The following SCHIP1 variants were observed in gnomAD, a reference collection of about 807,000 sequenced individuals.
SCHIP1 encodes schwannomin interacting protein 1.
In SCHIP1, 8 loss-of-function variants were observed where a neutral mutation model predicts 29.7. That is an observed-to-expected ratio of 0.27 (90% CI 0.16 to 0.49). The LOEUF (loss-of-function observed/expected upper bound fraction) is 0.49, where lower values mean the gene tolerates loss of function less well. SCHIP1 is among the 20% of genes least tolerant of loss of function. The pLI is 0.99. For synonymous variants in SCHIP1, 76 were observed against 94.9 expected (o/e 0.80, Z 1.16); for missense variants, 193 against 294.6 (o/e 0.66, Z 2.52).
At chr3:159,855,940 G>A (rs13320912) in intron 1 of SCHIP1, among the ~76,000 whole-genome samples, 6,909 of 152,250 alleles carry the variant, frequency 0.045, 475 homozygotes, top group African/African-American at 0.15. Flanking sequence ...CGTGGGGAAG[G>A]TTTTGACTGT....
chr3:159,825,572 C>T, the SCHIP1 span, among the ~76,000 whole-genome samples: 39 of 152,152 alleles, frequency 2.6e-4, no homozygotes, highest in African/African-American at 9.2e-4. Flanking sequence ...ACACTCCTGC[C>T]CTCGATCCCA....
At chr3:159,754,540 T>TA in the SCHIP1 span, among the ~76,000 whole-genome samples, 4 of 152,252 alleles carry the variant, frequency 2.6e-5, no homozygotes, top group African/African-American at 7.2e-5. Context: ...CAAATCTACT[T>TA]AGCTTCATCT....
At chr3:159,462,877 G>T in the SCHIP1 span, among the ~76,000 whole-genome samples, 3 of 152,064 alleles carry the variant, frequency 2.0e-5, no homozygotes, top group African/African-American at 7.2e-5. Context: ...TTACAGTCAA[G>T]TCTATGATAG....
the SCHIP1 span, among the ~76,000 whole-genome samples, chr3:159,590,904 C>A: frequency 6.6e-6 from 1 of 152,086 alleles, no homozygotes; most frequent in Non-Finnish European, 1.5e-5. Flanking sequence ...TTGTCCAGGA[C>A]TTGATTTTAT....
chr3:159,802,290 G>C, the SCHIP1 span, among the ~76,000 whole-genome samples: 3 of 152,194 alleles, frequency 2.0e-5, no homozygotes, highest in Non-Finnish European at 4.4e-5. Flanking sequence ...AAATGGCAAA[G>C]CCAAAAAAAT....
the SCHIP1 span, among the ~76,000 whole-genome samples, chr3:159,557,744 C>A: frequency 6.6e-6 from 1 of 152,188 alleles, no homozygotes; most frequent in Non-Finnish European, 1.5e-5. Context: ...CTTAATATAT[C>A]CCCTTTGTTC....
the SCHIP1 span, among the ~76,000 whole-genome samples, chr3:159,614,584 T>C: frequency 6.6e-6 from 1 of 152,200 alleles, no homozygotes; most frequent in East Asian, 1.9e-4. Flanking sequence ...ATAACACCAA[T>C]ATACTCAGTT....
rs1333936648 is a variant in SCHIP1 at position 159,842,997 on chromosome 3, CTTTCTTTTTTTTTTTT to C, written c.30+2787_30+2802del. ...GCTCTCCAGTTCTATCCCAATATTT[CTTTCTTTTTTTTTTTT>C]TTTTTTTTTTTTTTTTGAGATGGAG... On this transcript the variant is annotated intron_variant, in intron 1 of 6. Coordinates refer to ENST00000445224, the Ensembl canonical transcript of SCHIP1. Among the ~76,000 whole-genome samples, 12 of 61,742 alleles carry C rather than the reference CTTTCTTTTTTTTTTTT, an allele frequency of 1.9e-4. 1 individual carries two copies. The highest frequency in any genetic ancestry group is 2.8e-4 in the Non-Finnish European group (8 of 28,380). The allele number at this position is 61,742 out of a possible 152,430, so 40.5% of individuals were successfully genotyped here. A position where few individuals can be genotyped will look rare whatever the true frequency, so the allele number is the denominator to read the frequency against.
chr3:159,842,769 G>A (rs1744353035), intron 1 of SCHIP1, among the ~76,000 whole-genome samples: 1 of 146,164 alleles, frequency 6.8e-6, no homozygotes, highest in African/African-American at 2.5e-5. Flanking sequence ...ATAACTTACA[G>A]CATTTGGGAC....
the SCHIP1 span, among the ~76,000 whole-genome samples, chr3:159,310,743 G>A: frequency 5.3e-5 from 8 of 152,136 alleles, no homozygotes; most frequent in African/African-American, 1.9e-4. Flanking sequence ...TAGGTTTGCA[G>A]GTACAGGCTA....
exon 1 of SCHIP1, chr3:159,839,890 G>A: frequency 7.2e-7 from 1 of 1,389,682 alleles, no homozygotes; most frequent in Non-Finnish European, 9.3e-7. Context: ...ATAATTGGCT[G>A]ATTGTGCGGG....
At chr3:159,772,511 T>G in the SCHIP1 span, among the ~76,000 whole-genome samples, 1 of 152,198 alleles carries the variant, frequency 6.6e-6, no homozygotes, top group Non-Finnish European at 1.5e-5. Flanking sequence ...TCCAACTATC[T>G]TAAGTCCTCC....
chr3:159,276,708 A>T, the SCHIP1 span, among the ~76,000 whole-genome samples: 4 of 152,192 alleles, frequency 2.6e-5, no homozygotes, highest in Non-Finnish European at 5.9e-5. Flanking sequence ...GGGACTTTTC[A>T]TGCAAGATAT....
At chr3:159,369,228 C>T in the SCHIP1 span, among the ~76,000 whole-genome samples, 13 of 152,176 alleles carry the variant, frequency 8.5e-5, no homozygotes, top group East Asian at 2.5e-3. Flanking sequence ...ATCTATTCCT[C>T]TGTTGAAATT....
chr3:159,525,977 A>G, the SCHIP1 span, among the ~76,000 whole-genome samples: 1 of 152,250 alleles, frequency 6.6e-6, no homozygotes, highest in Non-Finnish European at 1.5e-5. Flanking sequence ...GTAACACCAT[A>G]TTTTAATGTA....
At chr3:159,349,297 G>A in the SCHIP1 span, among the ~76,000 whole-genome samples, 1 of 152,158 alleles carries the variant, frequency 6.6e-6, no homozygotes, top group African/African-American at 2.4e-5. Context: ...TGTGAGGATA[G>A]ATACTAGAGA....
chr3:159,896,763 C>A (rs1056069810), exon 7 of SCHIP1: 2 of 1,606,022 alleles, frequency 1.2e-6, no homozygotes, highest in Non-Finnish European at 1.7e-6. Flanking sequence ...AGAGAAAATG[C>A]CTGCAAAGTG....
At chr3:159,346,397 T>G in the SCHIP1 span, among the ~76,000 whole-genome samples, 1 of 151,742 alleles carries the variant, frequency 6.6e-6, no homozygotes, top group African/African-American at 2.4e-5. Context: ...TTTTACTGTT[T>G]CTCTTGAGAG....
chr3:159,417,918 C>T, the SCHIP1 span, among the ~76,000 whole-genome samples: 2 of 152,048 alleles, frequency 1.3e-5, no homozygotes, highest in Non-Finnish European at 2.9e-5. Flanking sequence ...TCCCAGTCAC[C>T]CCAGCCCACA....
Sources: gnomAD v4.1 joint callset for allele counts (sites outside exome capture counted in the v4.1 genomes callset) on GRCh38, gnomAD v4.1.1 for gene constraint, MANE v1.5 for transcripts, NCBI Gene and HGNC (gene_info 2026-07-23, HGNC 2026-07-21) for gene names.